KIF1A: variants seen among roughly 807,000 people sequenced by gnomAD.
KIF1A encodes kinesin-like protein KIF1A.
KIF1A carries 46 observed loss-of-function variants against 227.3 expected under a neutral mutation model. That is an observed-to-expected ratio of 0.20 (90% CI 0.16 to 0.26). The LOEUF (loss-of-function observed/expected upper bound fraction) is 0.26. Among genes scored for constraint, KIF1A ranks in the 10% least tolerant of loss-of-function variants. The probability of loss-of-function intolerance (pLI) is 1.00; values close to 1 mark genes in which losing one functional copy is unlikely to be tolerated. For missense variants in KIF1A, 1,683 were observed against 2,485.9 expected (o/e 0.68, Z 6.87); for synonymous variants, 1,022 against 1,012.8 (o/e 1.01, Z -0.17).
At position 240,786,505 on chromosome 2, in the gene KIF1A, G is replaced by A. The variant is rs768547259; in HGVS notation, c.438C>T (p.Tyr146=). 8.1e-6 allele frequency: 13 copies of A among 1,612,970 alleles called. No homozygotes were observed. Among genetic ancestry groups the A allele is most frequent in the African/African-American group, 1.3e-5 (1 of 74,930 alleles). Residue 146 remains tyrosine (Y), a synonymous_variant, in exon 6 of 49, where the codon TAC becomes TAT. Transcript: ENST00000498729. The part of the protein sequence containing the change: ...DNMSYSVEVS[Y]MEIYCERVRD... ...GGACGCGCTCACAGTAAATCTCCAT[G>A]TAGCTGACCTGCAGGGCAGAGCCAG...
rs1026181825 is a variant in KIF1A at position 240,720,844 on chromosome 2, C to T, written c.4868+70G>A. The T allele has an allele frequency of 3.3e-5, 49 of 1,472,986 alleles. No homozygotes were observed. The Admixed American group carries it at 4.4e-4, about 13-fold the overall frequency. The allele number at this position is 1,472,986 out of a possible 1,614,324, so 91.2% of individuals were successfully genotyped here. Reference sequence around the variant, plus strand: ...CCCCCTGTTCTGTGCTCTCTGTGCCCGAGTCACGGCCATGGTCATGGGTCA... The same window carrying T: ...CCCCCTGTTCTGTGCTCTCTGTGCCTGAGTCACGGCCATGGTCATGGGTCA... On this transcript the variant is annotated intron_variant, in intron 45 of 48. Coordinates refer to ENST00000498729, the MANE Select transcript of KIF1A (RefSeq NM_001244008.2).
Position 240,767,391 on chromosome 2 carries a change from C to A in KIF1A, c.1498-46G>T, listed in dbSNP as rs777183014. 4.0e-6 allele frequency: 6 copies of A among 1,506,526 alleles called. No individual in the cohort carries two copies. The Admixed American group carries it at 1.0e-4, about 26-fold the overall frequency. The allele number at this position is 1,506,526 out of a possible 1,614,324, so 93.3% of individuals were successfully genotyped here. A position where few individuals can be genotyped will look rare whatever the true frequency, so the allele number is the denominator to read the frequency against. On this transcript the variant is annotated intron_variant, in intron 17 of 48. Transcript: ENST00000498729. ...CATCTCTCTTGCAGAGGGGCAGGAG[C>A]CTGATGCTGGCCACACCCCCCTCCA...
chr2:240,718,959 C>A, intron 47 of KIF1A, 47 bp downstream of exon 47: 1 of 1,504,062 alleles, frequency 6.6e-7, no homozygotes, highest in Non-Finnish European at 9.2e-7. Context: ...CAGCTCCTGC[C>A]CTGCTAGGGT....
rs1319371148 is a variant in KIF1A, at chr2:240,726,397, G to A, written c.4122+429C>T. 1.3e-5 allele frequency among the ~76,000 whole-genome samples: 2 copies of A among 152,168 alleles called. No individual in the cohort carries two copies. Among genetic ancestry groups the A allele is most frequent in the Non-Finnish European group, 1.5e-5 (1 of 68,020 alleles). On this transcript the variant is annotated intron_variant, in intron 39 of 48. Transcript: ENST00000498729. The surrounding 1 kb of genome is among the most constrained non-coding windows in gnomAD (Gnocchi z 5.2). Reference sequence around the variant, plus strand: ...AGGCTGAGGTGGGTGGATCACCTGAGGCCAGGAGTTTGAGAACAGCCTGGC... The same window carrying A: ...AGGCTGAGGTGGGTGGATCACCTGAAGCCAGGAGTTTGAGAACAGCCTGGC...
intron 10 of KIF1A, chr2:240,781,972 C>G: frequency 2.0e-6 from 2 of 985,466 alleles, no homozygotes; most frequent in South Asian, 9.4e-5. Flanking sequence ...GTTCCCTGTG[C>G]GTTTCCCAGT....
chr2:240,783,346 G>A (rs1318234276), intron 8 of KIF1A, among the ~76,000 whole-genome samples: 1 of 152,188 alleles, frequency 6.6e-6, no homozygotes, highest in Non-Finnish European at 1.5e-5. Flanking sequence ...ATCATCCCAT[G>A]TCCCCCTGAA....
At position 240,727,026 on chromosome 2, in the gene KIF1A, C is replaced by T. The variant is rs1041841010; in HGVS notation, c.4008-86G>A. 1.1e-5 allele frequency: 9 copies of T among 791,358 alleles called. No individual in the cohort carries two copies. The African/African-American group carries it at 1.4e-4, about 12-fold the overall frequency. The allele number at this position is 791,358 out of a possible 1,614,324, so 49.0% of individuals were successfully genotyped here. On this transcript the variant is annotated intron_variant, in intron 38 of 48. Coordinates refer to ENST00000498729, the MANE Select transcript of KIF1A (RefSeq NM_001244008.2). ...GGGGACATGCAGACAGACAGAGCGA[C>T]AGACAAGGGGCAGCCGCAAGGGAGC... is the stretch of plus-strand genomic sequence containing the variant.
chr2:240,786,003 A>G (rs2054698341), intron 6 of KIF1A, among the ~76,000 whole-genome samples: 1 of 152,018 alleles, frequency 6.6e-6, no homozygotes, highest in Non-Finnish European at 1.5e-5. Flanking sequence ...GCCCCCACAC[A>G]GAATGTGGAC....
rs1454271542 is a variant in KIF1A at position 240,766,749 on chromosome 2, T to TCTCTCTCACACACA, written c.1684+165_1684+166insTGTGTGTGAGAGAG. On this transcript the variant is annotated intron_variant, in intron 19 of 48. Coordinates refer to ENST00000498729, the MANE Select transcript of KIF1A (RefSeq NM_001244008.2). This position sits in a 1 kb window ranked among gnomAD's most constrained non-coding sequence, Gnocchi z 5.0. ...CTCTCTCTCTCTCTCTCTCTCTCTCTCACACACACACACACACACACACAC... is the reference window on the plus strand; with the variant it reads ...CTCTCTCTCTCTCTCTCTCTCTCTCTCTCTCTCACACACACACACACACACACACACACACACAC... Among the ~76,000 whole-genome samples, 50 of 109,014 alleles carry TCTCTCTCACACACA rather than the reference T, an allele frequency of 4.6e-4. No individual in the cohort carries two copies. The highest frequency in any genetic ancestry group is 9.1e-4 in the African/African-American group (22 of 24,162). 71.5% of individuals were successfully genotyped at this position (109,014 alleles called of 152,430 possible). A position where few individuals can be genotyped will look rare whatever the true frequency, so the allele number is the denominator to read the frequency against.
intron 1 of KIF1A, among the ~76,000 whole-genome samples, chr2:240,802,082 C>A (rs2057019379): frequency 7.4e-6 from 1 of 134,650 alleles, no homozygotes; most frequent in Admixed American, 7.6e-5. Context: ...AGAGAAAAAG[C>A]TTAAAGTCAG....
rs1234897461 is a variant in KIF1A, at chr2:240,790,031, G to A, written c.107-719C>T. ...AGCTGTCCCAGTATGAGTGTCCCAG[G>A]AGCTCCTCCCACCCACACAGCCTGC... On this transcript the variant is annotated intron_variant, in intron 2 of 48. Coordinates refer to ENST00000498729, the MANE Select transcript of KIF1A (RefSeq NM_001244008.2). The surrounding 1 kb of genome is among the most constrained non-coding windows in gnomAD (Gnocchi z 5.0). Among the ~76,000 whole-genome samples the A allele has an allele frequency of 6.6e-6, 1 of 152,062 alleles. No homozygotes were observed. Among genetic ancestry groups the A allele is most frequent in the Non-Finnish European group, 1.5e-5 (1 of 67,990 alleles).
chr2:240,810,464 T>A (rs1406156973), intron 1 of KIF1A, among the ~76,000 whole-genome samples: 2 of 152,128 alleles, frequency 1.3e-5, no homozygotes, highest in Admixed American at 6.5e-5. Context: ...CTTTTACAGC[T>A]CACCTTGGGA....
rs554370938 is a variant in KIF1A at position 240,775,041 on chromosome 2, C to A, written c.959-780G>T. On this transcript the variant is annotated intron_variant, in intron 11 of 48. Coordinates refer to ENST00000498729, the MANE Select transcript of KIF1A (RefSeq NM_001244008.2). This position sits in a 1 kb window ranked among gnomAD's most constrained non-coding sequence, Gnocchi z 5.5. The stretch of plus-strand genomic sequence containing the variant: ...CCCCTGCCCCCGCCCTGGGACTGAA[C>A]CTGGGTGTGCCTGGAGCAGGCGGCT... Among the ~76,000 whole-genome samples the A allele has an allele frequency of 6.6e-6, 1 of 152,330 alleles. No individual in the cohort carries two copies. The highest frequency in any genetic ancestry group is 2.4e-5 in the African/African-American group (1 of 41,568).
chr2:240,763,953 G>T lies in KIF1A; in HGVS notation c.1769-607C>A, dbSNP rs187801497. On this transcript the variant is annotated intron_variant, in intron 20 of 48. Coordinates refer to ENST00000498729, the MANE Select transcript of KIF1A (RefSeq NM_001244008.2). Reference sequence around the variant, plus strand: ...CCACCGAGGCATGGGCATCAGTCCAGCCCCTCCCACCCCAGCACCCGGCTG... The same window carrying T: ...CCACCGAGGCATGGGCATCAGTCCATCCCCTCCCACCCCAGCACCCGGCTG... Among the ~76,000 whole-genome samples the T allele has an allele frequency of 4.2e-3, 646 of 152,300 alleles. 4 individuals carry two copies. Among genetic ancestry groups the T allele is most frequent in the African/African-American group, 0.014 (601 of 41,564 alleles).
At chr2:240,746,988 C>T (rs1021012768) in intron 29 of KIF1A, among the ~76,000 whole-genome samples, 106 of 152,188 alleles carry the variant, frequency 7.0e-4, no homozygotes, top group African/African-American at 2.4e-3. Flanking sequence ...CTGCTCTGCG[C>T]CCCGACTTGG....
chr2:240,725,254 C>T lies in KIF1A; in HGVS notation c.4256+17G>A. 1.3e-6 allele frequency: 2 copies of T among 1,586,686 alleles called. No homozygotes were observed. Among genetic ancestry groups the T allele is most frequent in the Non-Finnish European group, 1.7e-6 (2 of 1,167,202 alleles). ...CCAGGGTGGGAGTCCATGTGGTCCT[C>T]ACCCCTGGGAGCTTACCTCTCTGAG... On this transcript the variant is annotated intron_variant, in intron 40 of 48. Coordinates refer to ENST00000498729, the MANE Select transcript of KIF1A (RefSeq NM_001244008.2). This position sits in a 1 kb window ranked among gnomAD's most constrained non-coding sequence, Gnocchi z 5.8.
At chr2:240,718,219 A>G in intron 47 of KIF1A, 51 bp from the exon 48 acceptor site, 2 of 1,261,424 alleles carry the variant, frequency 1.6e-6, no homozygotes, top group South Asian at 2.5e-5. Context: ...TGGTCAGCAC[A>G]CCACCCTCCT....
At chr2:240,774,149 C>G in intron 12 of KIF1A, 34 bp downstream of exon 12, 1 of 1,383,472 alleles carries the variant, frequency 7.2e-7, no homozygotes, top group South Asian at 1.3e-5. Flanking sequence ...GACCAGGGAG[C>G]GGGAAGCAGA....
rs987820934 is a variant in KIF1A, at chr2:240,736,955, G to A, written c.4007+108C>T. ...GGTGCCAGGAGGGAGGGCCGGGAGA[G>A]CGTTGAGCGGGTCACCTTGTGTGGC... is the stretch of plus-strand genomic sequence containing the variant. On this transcript the variant is annotated intron_variant, in intron 38 of 48. Transcript: ENST00000498729. The surrounding 1 kb of genome is among the most constrained non-coding windows in gnomAD (Gnocchi z 4.7). The A allele has an allele frequency of 2.1e-5, 19 of 884,760 alleles. No homozygotes were observed. In the East Asian group the frequency reaches 3.2e-4, roughly 15 times the overall value. 54.8% of individuals were successfully genotyped at this position (884,760 alleles called of 1,614,324 possible). A position where few individuals can be genotyped will look rare whatever the true frequency, so the allele number is the denominator to read the frequency against.
Sources: allele counts gnomAD v4.1 joint callset (sites outside exome capture counted in the v4.1 genomes callset), GRCh38; gene constraint gnomAD v4.1.1; non-coding constraint Gnocchi (gnomAD v3.1); transcripts MANE v1.5; gene names NCBI Gene and HGNC (gene_info 2026-07-23, HGNC 2026-07-21).